Variants in NDFIP2 observed in about 807,000 individuals in gnomAD.
NDFIP2 encodes NEDD4 family-interacting protein 2.
In NDFIP2, 19 loss-of-function variants were observed where a neutral mutation model predicts 36.0. The observed-to-expected ratio is 0.53, with a 90% CI of 0.37 to 0.77. NDFIP2 has a LOEUF of 0.77. NDFIP2 is among the 30% of genes least tolerant of loss of function. The probability of loss-of-function intolerance (pLI) is 0.00; values close to 1 mark genes in which losing one functional copy is unlikely to be tolerated. For synonymous variants in NDFIP2, 181 were observed against 167.7 expected, an observed-to-expected ratio of 1.08 and a Z score of -0.61; for missense variants, 446 against 435.8, an observed-to-expected ratio of 1.02 and a Z score of -0.21.
At chr13:79,530,858 T>C (rs1159031240) in intron 2 of NDFIP2, among the ~76,000 whole-genome samples, 1 of 152,122 alleles carries the variant, frequency 6.6e-6, no homozygotes, top group Non-Finnish European at 1.5e-5. Flanking sequence ...TCTATGAGGG[T>C]TGGAATCAAC....
chr13:79,485,406 A>G (rs1218939279), intron 1 of NDFIP2, among the ~76,000 whole-genome samples: 3 of 152,232 alleles, frequency 2.0e-5, no homozygotes, highest in East Asian at 1.9e-4. Flanking sequence ...ATTCAGGCCC[A>G]TGGCTGACTG....
chr13:79,548,955 T>C (rs1329352884), intron 6 of NDFIP2, among the ~76,000 whole-genome samples: 2 of 152,010 alleles, frequency 1.3e-5, no homozygotes, highest in Non-Finnish European at 2.9e-5. Context: ...CCTTTTGTTT[T>C]TTACCTTCAA....
chr13:79,515,426 T>G (rs1274114423), intron 1 of NDFIP2, among the ~76,000 whole-genome samples: 1 of 152,226 alleles, frequency 6.6e-6, no homozygotes, highest in Non-Finnish European at 1.5e-5. Context: ...TTTGCTAACT[T>G]GCAGCTTTTA....
At chr13:79,488,131 T>C (rs1873090099) in intron 1 of NDFIP2, among the ~76,000 whole-genome samples, 1 of 150,738 alleles carries the variant, frequency 6.6e-6, no homozygotes, top group African/African-American at 2.5e-5. Flanking sequence ...AAATAGATCT[T>C]TGTATGTTGA....
intron 1 of NDFIP2, among the ~76,000 whole-genome samples, chr13:79,487,363 T>G (rs1873043536): frequency 6.6e-6 from 1 of 152,224 alleles, no homozygotes; most frequent in Admixed American, 6.5e-5. Context: ...TCATCCCTTT[T>G]TATCATATAG....
intron 1 of NDFIP2, among the ~76,000 whole-genome samples, chr13:79,514,305 T>TG (rs1339088552): frequency 1.3e-5 from 2 of 152,206 alleles, no homozygotes; most frequent in African/African-American, 4.8e-5. Context: ...TTATGACTGG[T>TG]GACCTATATT....
At position 79,553,738 on chromosome 13, in the gene NDFIP2, C is replaced by G. The variant is rs1875993172; in HGVS notation, c.*1225C>G. The G allele has an allele frequency of 6.6e-6, 1 of 151,874 alleles. No homozygotes were observed. The highest frequency in any genetic ancestry group is 1.5e-5 in the Non-Finnish European group (1 of 67,514). 9.4% of individuals were successfully genotyped at this position (151,874 alleles called of 1,614,324 possible). A position where few individuals can be genotyped will look rare whatever the true frequency, so the allele number is the denominator to read the frequency against. ...TGTGTGTAGTGAGAGTGTGTAGCCA[C>G]TATTATAACTGGAATTTAATTTACA... On this transcript the variant is annotated 3_prime_UTR_variant, in exon 8 of 8. Transcript: ENST00000218652.
chr13:79,524,133 C>G (rs373688252), intron 2 of NDFIP2, among the ~76,000 whole-genome samples: 18 of 152,252 alleles, frequency 1.2e-4, no homozygotes, highest in East Asian at 7.7e-4. Context: ...CTTCATCTTC[C>G]TCTTCCTCTG....
At chr13:79,538,640 C>T (rs987389686) in intron 3 of NDFIP2, among the ~76,000 whole-genome samples, 9 of 152,126 alleles carry the variant, frequency 5.9e-5, no homozygotes, top group Non-Finnish European at 1.0e-4. Flanking sequence ...TGGAGTGCAG[C>T]GGTGTGATCT....
intron 1 of NDFIP2, among the ~76,000 whole-genome samples, chr13:79,515,573 C>T (rs1270362562): frequency 1.8e-4 from 27 of 152,088 alleles, no homozygotes; most frequent in Non-Finnish European, 7.4e-5. Flanking sequence ...GGAAAATAAC[C>T]CTAAATTTAA....
chr13:79,529,546 C>T (rs1262519748), intron 2 of NDFIP2, among the ~76,000 whole-genome samples: 2 of 152,186 alleles, frequency 1.3e-5, no homozygotes, highest in African/African-American at 4.8e-5. Context: ...TACTTGACCA[C>T]TTACGTTTTT....
At chr13:79,546,474 ATTAAT>A (rs1266527237) in intron 5 of NDFIP2, among the ~76,000 whole-genome samples, 3 of 152,228 alleles carry the variant, frequency 2.0e-5, no homozygotes, top group African/African-American at 7.2e-5. Context: ...CATAATGTTC[ATTAAT>A]TTATTTTCCA....
At chr13:79,508,883 A>G (rs1873969294) in intron 1 of NDFIP2, among the ~76,000 whole-genome samples, 1 of 152,154 alleles carries the variant, frequency 6.6e-6, no homozygotes, top group Non-Finnish European at 1.5e-5. Flanking sequence ...TTATACTCTT[A>G]CTAGCAATAA....
chr13:79,492,707 A>G (rs957745374), intron 1 of NDFIP2, among the ~76,000 whole-genome samples: 1 of 152,036 alleles, frequency 6.6e-6, no homozygotes, highest in Non-Finnish European at 1.5e-5. Context: ...CCTTTTAAGT[A>G]TTTGTTTTTA....
At chr13:79,520,111 A>G (rs1268650912) in intron 1 of NDFIP2, among the ~76,000 whole-genome samples, 1 of 152,114 alleles carries the variant, frequency 6.6e-6, no homozygotes, top group Non-Finnish European at 1.5e-5. Flanking sequence ...TTGCTTTAAT[A>G]ATTTTTTTTG....
At chr13:79,481,754 A>C (rs2079814884) in intron 1 of NDFIP2, among the ~76,000 whole-genome samples, 3 of 151,050 alleles carry the variant, frequency 2.0e-5, no homozygotes, top group Non-Finnish European at 3.0e-5. Flanking sequence ...TTAGCTCCTC[A>C]CCCGCACCCT....
intron 1 of NDFIP2, among the ~76,000 whole-genome samples, chr13:79,509,662 G>A (rs1307836668): frequency 1.4e-5 from 2 of 145,298 alleles, no homozygotes; most frequent in Non-Finnish European, 3.0e-5. Context: ...AGAACTAATA[G>A]GATGTATATT....
intron 2 of NDFIP2, among the ~76,000 whole-genome samples, chr13:79,527,054 T>C (rs1282296913): frequency 1.3e-5 from 2 of 152,160 alleles, no homozygotes; most frequent in Admixed American, 1.3e-4. Context: ...AGATCACTGG[T>C]GACTTTTGCC....
intron 5 of NDFIP2, among the ~76,000 whole-genome samples, chr13:79,545,448 G>A (rs1338245174): frequency 1.3e-5 from 2 of 152,166 alleles, no homozygotes; most frequent in Admixed American, 1.3e-4. Context: ...CATCAAGTTT[G>A]ATCACCAGGA....
Sources: allele counts gnomAD v4.1 joint callset (sites outside exome capture counted in the v4.1 genomes callset), GRCh38; gene constraint gnomAD v4.1.1; transcripts MANE v1.5; gene names NCBI Gene and HGNC (gene_info 2026-07-23, HGNC 2026-07-21).